The following NR1H4 variants were observed in gnomAD, a reference collection of about 807,000 sequenced individuals.
NR1H4 encodes nuclear receptor subfamily 1 group H member 4, also known as bile acid receptor.
In NR1H4, 23 loss-of-function variants were observed where a neutral mutation model predicts 58.5. The ratio of observed to expected loss-of-function variants is 0.39; its 90% CI spans 0.28 to 0.56. NR1H4 has a LOEUF of 0.56. NR1H4 is among the 20% of genes least tolerant of loss of function. The probability of loss-of-function intolerance (pLI) is 0.58; values close to 1 mark genes in which losing one functional copy is unlikely to be tolerated. For missense variants in NR1H4, 487 were observed against 576.9 expected (o/e 0.84, Z 1.60); for synonymous variants, 214 against 198.0 (o/e 1.08, Z -0.68).
chr12:100,485,115 C>G (rs1291938750), intron 1 of NR1H4, among the ~76,000 whole-genome samples: 1 of 152,110 alleles, frequency 6.6e-6, no homozygotes, highest in Non-Finnish European at 1.5e-5. Context: ...ATGTACCTGC[C>G]CAGTCACATT....
intron 3 of NR1H4, among the ~76,000 whole-genome samples, chr12:100,506,052 G>A (rs964600843): frequency 6.6e-6 from 1 of 151,384 alleles, no homozygotes; most frequent in African/African-American, 2.4e-5. Context: ...CAGAGAGAGA[G>A]AGAGAACATG....
At chr12:100,509,938 C>T (rs895722419) in intron 3 of NR1H4, among the ~76,000 whole-genome samples, 5 of 151,958 alleles carry the variant, frequency 3.3e-5, no homozygotes, top group Non-Finnish European at 7.4e-5. Flanking sequence ...CACACACACA[C>T]ACAGAGTTGG....
intron 4 of NR1H4, among the ~76,000 whole-genome samples, chr12:100,513,566 G>T (rs1209585472): frequency 6.6e-6 from 1 of 152,130 alleles, no homozygotes; most frequent in African/African-American, 2.4e-5. Context: ...AGGCCGAGGT[G>T]GGGGGATCAC....
chr12:100,540,823 G>C lies in NR1H4; in HGVS notation c.1078+5G>C. ...AAGAAAGAATTCGAAATAGTGGTAA[G>C]TGATTTGGCTAATGGTAAAAGAGTT... is the stretch of plus-strand genomic sequence containing the variant. On this transcript the variant is annotated splice_donor_5th_base_variant and intron_variant, in intron 9 of 10. Transcript: ENST00000392986. The C allele has an allele frequency of 1.2e-6, 2 of 1,614,064 alleles. No homozygotes were observed. Among genetic ancestry groups the C allele is most frequent in the East Asian group, 4.5e-5 (2 of 44,872 alleles).
At chr12:100,497,292 A>G (rs968619063) in intron 3 of NR1H4, among the ~76,000 whole-genome samples, 3 of 152,130 alleles carry the variant, frequency 2.0e-5, no homozygotes, top group East Asian at 3.9e-4. Flanking sequence ...CTGTGGGATT[A>G]GAGAAGTTCT....
intron 3 of NR1H4, among the ~76,000 whole-genome samples, chr12:100,500,574 CTG>C (rs1299383125): frequency 6.6e-6 from 1 of 152,156 alleles, no homozygotes; most frequent in Non-Finnish European, 1.5e-5. Context: ...TGGTTGGGCT[CTG>C]TGTCCCCACC....
chr12:100,518,953 A>G (rs145813305), intron 4 of NR1H4, among the ~76,000 whole-genome samples: 2,678 of 151,952 alleles, frequency 0.018, 62 homozygotes, highest in African/African-American at 0.055. Flanking sequence ...ATGCCCAGCT[A>G]ATTTTTGTAT....
intron 8 of NR1H4, 102 bp downstream of exon 8, chr12:100,537,149 T>A: frequency 1.3e-6 from 1 of 768,524 alleles, no homozygotes; most frequent in Non-Finnish European, 2.2e-6. Flanking sequence ...TTTCAAAACA[T>A]TCCTGTGAGA....
intron 4 of NR1H4, among the ~76,000 whole-genome samples, chr12:100,513,798 C>CAGAA (rs988024070): frequency 1.1e-5 from 1 of 87,332 alleles, no homozygotes; most frequent in Non-Finnish European, 2.3e-5. Flanking sequence ...CCGTCAAAGA[C>CAGAA]AGAAAGGAAG....
At chr12:100,562,929 A>G (rs1175426257) in intron 10 of NR1H4, among the ~76,000 whole-genome samples, 1 of 152,198 alleles carries the variant, frequency 6.6e-6, no homozygotes, top group East Asian at 1.9e-4. Context: ...TTATGTATGG[A>G]TATGTCCTAT....
chr12:100,508,382 T>C (rs190640101), intron 3 of NR1H4, among the ~76,000 whole-genome samples: 12 of 152,152 alleles, frequency 7.9e-5, no homozygotes. Flanking sequence ...TTATAGGTTA[T>C]GTGCAAGCGG....
intron 3 of NR1H4, among the ~76,000 whole-genome samples, chr12:100,497,168 T>G (rs573247162): frequency 9.2e-5 from 14 of 152,302 alleles, no homozygotes; most frequent in African/African-American, 3.4e-4. Flanking sequence ...GGTCAGGGAC[T>G]GGAGCATATA....
intron 5 of NR1H4, among the ~76,000 whole-genome samples, chr12:100,533,681 G>A (rs191785317): frequency 9.9e-5 from 15 of 152,240 alleles, no homozygotes; most frequent in African/African-American, 3.6e-4. Flanking sequence ...GGAGCGCTGA[G>A]GACATTTTGC....
Position 100,533,715 on chromosome 12 carries a change from T to G in NR1H4, c.598+1105T>G, listed in dbSNP as rs139789950. Among the ~76,000 whole-genome samples, 1,247 of 152,320 alleles carry G rather than the reference T, an allele frequency of 8.2e-3. 9 individuals are homozygous for G. The highest frequency in any genetic ancestry group is 0.02 in the Middle Eastern group (6 of 294). Reference sequence around the variant, plus strand: ...GCATGAAGCCACATATAGCAGTCTATAATATTTATGAACACAAACTCATCC... The same window carrying G: ...GCATGAAGCCACATATAGCAGTCTAGAATATTTATGAACACAAACTCATCC... On this transcript the variant is annotated intron_variant, in intron 5 of 10. Transcript: ENST00000392986.
rs777107561 is a variant in NR1H4 at position 100,563,448 on chromosome 12, A to G, written c.1390A>G (p.Lys464Glu). 1.2e-6 allele frequency: 2 copies of G among 1,614,138 alleles called. No individual in the cohort carries two copies. Among genetic ancestry groups the G allele is most frequent in the Non-Finnish European group, 1.7e-6 (2 of 1,180,000 alleles). ...GATGTCATGGAGAGTAAACGACCAC[A>G]AGTTTACCCCACTTCTCTGTGAAAT... ...MLMSWRVNDHKFTPLLCEIWD... is the reference protein window; with the variant it reads ...MLMSWRVNDHEFTPLLCEIWD... Residue 464 changes from lysine (K) to glutamate (E), a missense_variant, in exon 11 of 11, where the codon AAG becomes GAG. Transcript: ENST00000392986.
intron 1 of NR1H4, among the ~76,000 whole-genome samples, chr12:100,480,560 C>T (rs564605064): frequency 1.3e-5 from 2 of 152,288 alleles, no homozygotes; most frequent in Middle Eastern, 6.8e-3. Flanking sequence ...TCTTATTGTT[C>T]TTCCAGTTTC....
intron 4 of NR1H4, among the ~76,000 whole-genome samples, chr12:100,523,121 A>G (rs1341356028): frequency 6.6e-6 from 1 of 152,172 alleles, no homozygotes; most frequent in Non-Finnish European, 1.5e-5. Flanking sequence ...GTTCTTTAAG[A>G]AATCTCCATA....
At chr12:100,504,430 G>A (rs1314103017) in intron 3 of NR1H4, among the ~76,000 whole-genome samples, 2 of 152,054 alleles carry the variant, frequency 1.3e-5, no homozygotes, top group African/African-American at 4.8e-5. Context: ...TTGGAAGGCC[G>A]GGGAAGCAAA....
intron 3 of NR1H4, chr12:100,503,525 G>A: frequency 1.3e-6 from 2 of 1,558,604 alleles, no homozygotes; most frequent in Non-Finnish European, 1.7e-6. Context: ...GTGCTTTCAG[G>A]TCGAGCTCTT....
Sources: gnomAD v4.1 joint callset for allele counts (sites outside exome capture counted in the v4.1 genomes callset) on GRCh38, gnomAD v4.1.1 for gene constraint, MANE v1.5 for transcripts, NCBI Gene and HGNC (gene_info 2026-07-23, HGNC 2026-07-21) for gene names.